Variants in CHST5 observed in about 807,000 individuals in gnomAD.
The protein encoded by CHST5 is carbohydrate sulfotransferase 5.
For synonymous variants in CHST5, 313 were observed against 279.2 expected, an observed-to-expected ratio of 1.12 and a Z score of -1.21; for missense variants, 637 against 602.1, an observed-to-expected ratio of 1.06 and a Z score of -0.61.
At chr16:75,533,425 TCCCAGTGCAGGG>T (rs1413220780) in intron 2 of CHST5, among the ~76,000 whole-genome samples, 1 of 152,028 alleles carries the variant, frequency 6.6e-6, no homozygotes, top group Non-Finnish European at 1.5e-5. Flanking sequence ...AGAGCCAGAC[TCCCAGTGCAGGG>T]CCCTGTGGTG....
intron 3 of CHST5, 96 bp from the exon 4 acceptor site, chr16:75,531,736 GC>G (rs1223991940): frequency 2.3e-6 from 2 of 873,994 alleles, no homozygotes; most frequent in Admixed American, 4.9e-5. Context: ...TGTCCTGCCT[GC>G]CTTTTGCTTC....
At chr16:75,534,954 T>A (rs934855739) in intron 2 of CHST5, among the ~76,000 whole-genome samples, 173 bp downstream of exon 2, 2 of 152,146 alleles carry the variant, frequency 1.3e-5, no homozygotes, top group African/African-American at 4.8e-5. Flanking sequence ...AAACCAGCGC[T>A]AGCAGGGGAG....
chr16:75,532,119 C>T (rs1396626933), intron 3 of CHST5, among the ~76,000 whole-genome samples: 1 of 152,178 alleles, frequency 6.6e-6, no homozygotes, highest in African/African-American at 2.4e-5. Context: ...GCCCCTGTTA[C>T]TGTTACTGTC....
Position 75,529,173 on chromosome 16 carries a change from G to C in CHST5, c.1212C>G (p.His404Gln), listed in dbSNP as rs753297290. 10 of 1,592,622 alleles carry C rather than the reference G, an allele frequency of 6.3e-6. No homozygotes were observed. The highest frequency in any genetic ancestry group is 8.6e-6 in the Non-Finnish European group (10 of 1,166,972). ...LDLVLPRGPD[H>Q]FSWASPD ...CTCAGTCAGGCGATGCCCAGCTGAA[G>C]TGGTCTGGGCCTCGTGGCAGCACCA... The change falls in exon 4 of 4, where the codon CAC becomes CAG. Residue 404 changes from histidine to glutamine, a missense_variant. Physicochemically the swap from His to Gln is conservative, Grantham distance 24. Coordinates refer to ENST00000336257, the MANE Select transcript of CHST5 (RefSeq NM_024533.5).
chr16:75,533,053 G>A, intron 3 of CHST5, 36 bp downstream of exon 3: 1 of 692,110 alleles, frequency 1.4e-6, no homozygotes, highest in South Asian at 1.5e-5. Flanking sequence ...TCCCTGGGTA[G>A]GGAGGATCTT....
In CHST5 at chr16:75,529,039, G is replaced by A. The variant is rs2080486189; in HGVS notation, c.*110C>T. 4.9e-6 allele frequency: 6 copies of A among 1,231,686 alleles called. No individual in the cohort carries two copies. Among genetic ancestry groups the A allele is most frequent in the Non-Finnish European group, 6.6e-6 (6 of 906,838 alleles). The allele number at this position is 1,231,686 out of a possible 1,614,324, so 76.3% of individuals were successfully genotyped here. The stretch of plus-strand genomic sequence containing the variant: ...TTCAGGGGAGGACCCCAAACTCCCG[G>A]TTGATAGTAGGGACCTGCTTCCCCA... On this transcript the variant is annotated 3_prime_UTR_variant, in exon 4 of 4. Transcript: ENST00000336257.
At chr16:75,535,753 G>A (rs902174562) in intron 1 of CHST5, among the ~76,000 whole-genome samples, 11 of 152,336 alleles carry the variant, frequency 7.2e-5, no homozygotes, top group African/African-American at 1.7e-4. Flanking sequence ...AGAGCAGGAG[G>A]GCCCAGGTGG....
chr16:75,530,479 T>G lies in CHST5; in HGVS notation c.-95A>C. 6.9e-7 allele frequency: 1 copy of G among 1,451,318 alleles called. No homozygotes were observed. The highest frequency in any genetic ancestry group is 1.5e-5 in the South Asian group (1 of 67,508). 89.9% of individuals were successfully genotyped at this position (1,451,318 alleles called of 1,614,324 possible). On this transcript the variant is annotated 5_prime_UTR_variant, in exon 4 of 4. Coordinates refer to ENST00000336257, the MANE Select transcript of CHST5 (RefSeq NM_024533.5). The stretch of plus-strand genomic sequence containing the variant: ...CTTCCCAAGACTCCCAAGGTCTCAG[T>G]CGAGCACTTTCCCAGGAATACGGAG...
rs2080505332 is a variant in CHST5, at chr16:75,530,238, G to A, written c.147C>T (p.Ser49=). The A allele has an allele frequency of 6.2e-7, 1 of 1,613,648 alleles. No homozygotes were observed. Among genetic ancestry groups the A allele is most frequent in the Non-Finnish European group, 8.5e-7 (1 of 1,179,982 alleles). ...CGGCTGGGGATGAGGGCCCTGGCCG[G>A]GAGATGATGAAGAGCAGGAGGCAGG... ...QTTCLLLFII[S]RPGPSSPAGG... is the part of the protein sequence containing the mutation. The change falls in exon 4 of 4, where the codon TCC becomes TCT. Residue 49 remains serine, a synonymous_variant. Transcript: ENST00000336257.
At chr16:75,532,413 G>A (rs1271542916) in intron 3 of CHST5, among the ~76,000 whole-genome samples, 1 of 152,168 alleles carries the variant, frequency 6.6e-6, no homozygotes, top group African/African-American at 2.4e-5. Flanking sequence ...ACTTTGGAAG[G>A]GAGGAGCCTG....
rs1395822992 is a variant in CHST5 at position 75,530,795 on chromosome 16, T to G, written c.-411A>C. ...CGAGGTTGAATCCTGGCTCTGCCAC[T>G]TCCTAGCCTATGATCTTGCTTATGA... is the stretch of plus-strand genomic sequence containing the variant. On this transcript the variant is annotated 5_prime_UTR_variant, in exon 4 of 4. Coordinates refer to ENST00000336257, the MANE Select transcript of CHST5 (RefSeq NM_024533.5). 1 of 1,026,278 alleles carries G rather than the reference T, an allele frequency of 9.7e-7. No homozygotes were observed. The highest frequency in any genetic ancestry group is 1.7e-5 in the African/African-American group (1 of 58,052). 63.6% of individuals were successfully genotyped at this position (1,026,278 alleles called of 1,614,324 possible).
At chr16:75,533,531 G>T (rs752879605) in intron 2 of CHST5, among the ~76,000 whole-genome samples, 8 of 151,968 alleles carry the variant, frequency 5.3e-5, no homozygotes, top group Admixed American at 1.3e-4. Flanking sequence ...TCCGTTTTTT[G>T]ATTCTTTTCT....
chr16:75,531,697 T>A (rs546977899), intron 3 of CHST5, 57 bp from the exon 4 acceptor site: 3 of 1,222,388 alleles, frequency 2.5e-6, no homozygotes, highest in Non-Finnish European at 3.3e-6. Context: ...GCCCTGTACA[T>A]AGAAAGCTCC....
In CHST5 at chr16:75,529,120, T is replaced by A; in HGVS notation, c.*29A>T. 6.5e-7 allele frequency: 1 copy of A among 1,532,612 alleles called. No homozygotes were observed. Among genetic ancestry groups the A allele is most frequent in the Middle Eastern group, 2.1e-4 (1 of 4,686 alleles). 94.9% of individuals were successfully genotyped at this position (1,532,612 alleles called of 1,614,324 possible). A position where few individuals can be genotyped will look rare whatever the true frequency, so the allele number is the denominator to read the frequency against. On this transcript the variant is annotated 3_prime_UTR_variant, in exon 4 of 4. Coordinates refer to ENST00000336257, the MANE Select transcript of CHST5 (RefSeq NM_024533.5). ...CGCCTCCTGGGCCTGGCGACCACAG[T>A]TCGGGGCCTGCTCTAAGGCCCAGAG...
chr16:75,536,074 C>T lies in CHST5; in HGVS notation c.-1665G>A, dbSNP rs1034605396. The stretch of plus-strand genomic sequence containing the variant: ...TGACACAGGAATCCGTGCTGCCTCC[C>T]GGTGCAGTGTCCCAGCTGGGAGGAG... On this transcript the variant is annotated 5_prime_UTR_variant, in exon 1 of 4. Coordinates refer to ENST00000336257, the MANE Select transcript of CHST5 (RefSeq NM_024533.5). Among the ~76,000 whole-genome samples, 25 of 152,206 alleles carry T rather than the reference C, an allele frequency of 1.6e-4. No homozygotes were observed. The highest frequency in any genetic ancestry group is 6.0e-4 in the African/African-American group (25 of 41,452).
In CHST5 at chr16:75,529,560, G is replaced by A. The variant is rs1260312941; in HGVS notation, c.825C>T (p.Ala275=). 18 of 1,609,026 alleles carry A rather than the reference G, an allele frequency of 1.1e-5. No individual in the cohort carries two copies. Among genetic ancestry groups the A allele is most frequent in the African/African-American group, 4.0e-5 (3 of 74,878 alleles). Residue 275 remains alanine (A), a synonymous_variant, in exon 4 of 4, where the codon GCC becomes GCT. Transcript: ENST00000336257. The stretch of plus-strand genomic sequence containing the variant: ...GTGGCGGCTTGAGTGTGGCGGCCTC[G>A]GCGATGCGCACGTGGCTGCGGCACA... ...REVCRSHVRI[A]EAATLKPPPF...
At chr16:75,533,063 T>C in intron 3 of CHST5, 26 bp downstream of exon 3, 2 of 696,534 alleles carry the variant, frequency 2.9e-6, no homozygotes, top group Admixed American at 2.0e-5. Context: ...GGGAGGATCT[T>C]GATCCCAAGC....
rs2080482667 is a variant in CHST5 at position 75,528,682 on chromosome 16, G to A, written c.*467C>T. 6.4e-6 allele frequency: 1 copy of A among 155,492 alleles called. No homozygotes were observed. Among genetic ancestry groups the A allele is most frequent in the Non-Finnish European group, 1.4e-5 (1 of 70,288 alleles). 9.6% of individuals were successfully genotyped at this position (155,492 alleles called of 1,614,324 possible). On this transcript the variant is annotated 3_prime_UTR_variant, in exon 4 of 4. Coordinates refer to ENST00000336257, the MANE Select transcript of CHST5 (RefSeq NM_024533.5). Reference sequence around the variant, plus strand: ...CCCACCTCAGCCTCCTAAGTAGCTGGGATTACAGGAGTGTGCCACCACGCC... The same window carrying A: ...CCCACCTCAGCCTCCTAAGTAGCTGAGATTACAGGAGTGTGCCACCACGCC...
At position 75,530,046 on chromosome 16, in the gene CHST5, G is replaced by A. The variant is rs755641242; in HGVS notation, c.339C>T (p.Ala113=). The change falls in exon 4 of 4, where the codon GCC becomes GCT. Residue 113 remains alanine (A), a synonymous_variant. Transcript: ENST00000336257. The part of the protein sequence containing the change: ...SQGSAATLHM[A]VRDLMRSIFL... ...AGATAGAGCGCATCAGGTCGCGCAC[G>A]GCCATGTGCAGCGTTGCCGCGCTGC... 6 of 1,613,410 alleles carry A rather than the reference G, an allele frequency of 3.7e-6. No homozygotes were observed. In the Admixed American group the frequency reaches 6.7e-5, roughly 18 times the overall value.
Sources: allele counts gnomAD v4.1 joint callset (sites outside exome capture counted in the v4.1 genomes callset), GRCh38; gene constraint gnomAD v4.1.1; transcripts MANE v1.5; gene names NCBI Gene and HGNC (gene_info 2026-07-23, HGNC 2026-07-21).